Variants in CALCRL observed in about 807,000 individuals in gnomAD.
CALCRL encodes calcitonin gene-related peptide type 1 receptor.
In CALCRL, 27 loss-of-function variants were observed where a neutral mutation model predicts 60.4. That is an observed-to-expected ratio of 0.45 (90% confidence interval 0.33 to 0.62). The LOEUF is 0.62. Among genes scored for constraint, CALCRL ranks in the 20% least tolerant of loss-of-function variants. CALCRL has a pLI of 0.03. For synonymous variants in CALCRL, 190 were observed against 182.6 expected (o/e 1.04, Z -0.33); for missense variants, 424 against 540.7 (o/e 0.78, Z 2.14).
chr2:187,375,845 T>G (rs1365307387), intron 8 of CALCRL, among the ~76,000 whole-genome samples: 1 of 152,186 alleles, frequency 6.6e-6, no homozygotes, highest in African/African-American at 2.4e-5. Context: ...CAATTAAAAT[T>G]TAAAATTACT....
In CALCRL at chr2:187,370,392, G is replaced by A. The variant is rs190517015; in HGVS notation, c.501-6890C>T. Among the ~76,000 whole-genome samples, 209 of 152,148 alleles carry A rather than the reference G, an allele frequency of 1.4e-3. 1 individual carries two copies. The highest frequency in any genetic ancestry group is 4.6e-3 in the African/African-American group (191 of 41,544). On this transcript the variant is annotated intron_variant, in intron 8 of 14. Coordinates refer to ENST00000392370, the MANE Select transcript of CALCRL (RefSeq NM_005795.6). ...ATTTCTATTTTCTATTTCAAATAACGAAGTTTTAATCTATTCAAATAATGA... is the reference window on the plus strand; with the variant it reads ...ATTTCTATTTTCTATTTCAAATAACAAAGTTTTAATCTATTCAAATAATGA...
At chr2:187,389,267 T>G (rs1688334356) in intron 1 of CALCRL, among the ~76,000 whole-genome samples, 1 of 152,026 alleles carries the variant, frequency 6.6e-6, no homozygotes, top group South Asian at 2.1e-4. Flanking sequence ...GAGACAGGGT[T>G]TCACCATGTT....
At chr2:187,388,973 TTAATA>T in intron 1 of CALCRL, among the ~76,000 whole-genome samples, 1 of 152,030 alleles carries the variant, frequency 6.6e-6, no homozygotes, top group Non-Finnish European at 1.5e-5. Flanking sequence ...AAATGATTGA[TTAATA>T]GAGATTTAAG....
chr2:187,377,989 T>C (rs1264353757), intron 8 of CALCRL, among the ~76,000 whole-genome samples: 2 of 150,374 alleles, frequency 1.3e-5, no homozygotes, highest in Non-Finnish European at 3.0e-5. Context: ...AAGAAGGAAG[T>C]TGGAGGAAGA....
chr2:187,378,986 A>G lies in CALCRL; in HGVS notation c.454T>C (p.Ser152Pro). 6.2e-7 allele frequency: 1 copy of G among 1,608,638 alleles called. No homozygotes were observed. The highest frequency in any genetic ancestry group is 8.5e-7 in the Non-Finnish European group (1 of 1,176,452). Residue 152 changes from serine (S) to proline (P), a missense_variant, in exon 8 of 15, where the codon TCT becomes CCT. This residue lies in a region of CALCRL where 43 missense variants were observed against 46.6 expected (regional missense o/e 0.92). Coordinates refer to ENST00000392370, the MANE Select transcript of CALCRL (RefSeq NM_005795.6). ...FYLTIIGHGL[S>P]IASLLISLGI... ...AGCGAGATAAGCAGTGATGCAATAG[A>G]CAATCCGTGTCCAATTATGGTCAGG...
At chr2:187,444,756 C>T (rs2105916008) in intron 1 of CALCRL, among the ~76,000 whole-genome samples, 1 of 151,424 alleles carries the variant, frequency 6.6e-6, no homozygotes, top group Admixed American at 6.6e-5. Context: ...AAATTGAATA[C>T]ATTTCTTCTC....
chr2:187,360,897 T>A (rs1687027238), intron 9 of CALCRL, 146 bp from the exon 10 acceptor site: 1 of 634,412 alleles, frequency 1.6e-6, no homozygotes, highest in Non-Finnish European at 2.4e-6. Flanking sequence ...GGAATGCCAG[T>A]CTTCGTATTC....
chr2:187,447,840 T>C (rs1487101116), intron 1 of CALCRL, among the ~76,000 whole-genome samples, 199 bp downstream of exon 1: 1 of 152,098 alleles, frequency 6.6e-6, no homozygotes, highest in Non-Finnish European at 1.5e-5. Context: ...AATACCATGG[T>C]AAACAATATT....
In CALCRL at chr2:187,385,609, T is replaced by G. The variant is rs1411376833; in HGVS notation, c.-14A>C. On this transcript the variant is annotated 5_prime_UTR_variant, in exon 4 of 15. Transcript: ENST00000392370. Reference sequence around the variant, plus strand: ...CTTTTTCTCCATCATTAAGCCAAAATGAAATATGCTGTATAACATAAACTG... The same window carrying G: ...CTTTTTCTCCATCATTAAGCCAAAAGGAAATATGCTGTATAACATAAACTG... The G allele has an allele frequency of 3.2e-6, 5 of 1,549,064 alleles. No homozygotes were observed. In the African/African-American group the frequency reaches 5.5e-5, roughly 17 times the overall value.
At chr2:187,358,055 A>G (rs893425553) in intron 12 of CALCRL, among the ~76,000 whole-genome samples, 3 of 152,138 alleles carry the variant, frequency 2.0e-5, no homozygotes, top group Admixed American at 6.6e-5. Context: ...GCTAGTTTGT[A>G]TTAATTTACT....
intron 8 of CALCRL, among the ~76,000 whole-genome samples, chr2:187,378,204 A>C (rs2105774673): frequency 6.6e-6 from 1 of 152,260 alleles, no homozygotes; most frequent in South Asian, 2.1e-4. Context: ...AAGGAGCAGA[A>C]GATGACTACA....
intron 1 of CALCRL, among the ~76,000 whole-genome samples, chr2:187,396,437 G>A (rs569711855): frequency 5.3e-5 from 8 of 151,638 alleles, no homozygotes; most frequent in African/African-American, 1.9e-4. Context: ...CAGGCTTAAT[G>A]CTTATAGGAC....
chr2:187,442,105 T>TATATATATATATATATAC (rs1690942474), intron 1 of CALCRL: 1 of 64,764 alleles, frequency 1.5e-5, no homozygotes, highest in African/African-American at 6.6e-5. Flanking sequence ...TATATATATA[T>TATATATATATATATATAC]ACATACACAC....
chr2:187,372,276 C>T (rs748256573), intron 8 of CALCRL, among the ~76,000 whole-genome samples: 1 of 151,222 alleles, frequency 6.6e-6, no homozygotes, highest in African/African-American at 2.4e-5. Flanking sequence ...TGATTTTAAA[C>T]GGTAATTAAA....
chr2:187,366,372 T>TA (rs1687293851), intron 8 of CALCRL, among the ~76,000 whole-genome samples: 1 of 151,674 alleles, frequency 6.6e-6, no homozygotes, highest in Non-Finnish European at 1.5e-5. Context: ...TGCATGATAG[T>TA]AAAAATTAGA....
In CALCRL at chr2:187,378,027, A is replaced by AGAG. The variant is rs765551559; in HGVS notation, c.500+910_500+912dup. 2.0e-5 allele frequency among the ~76,000 whole-genome samples: 3 copies of AGAG among 151,452 alleles called. 1 individual carries two copies. The highest frequency in any genetic ancestry group is 6.6e-5 in the Admixed American group (1 of 15,162). ...GAGGGGTAGGAAGAGGAATAAGAGA[A>AGAG]GAGGAGGAGGAGGAGGAAAAAGAAG... On this transcript the variant is annotated intron_variant, in intron 8 of 14. Coordinates refer to ENST00000392370, the MANE Select transcript of CALCRL (RefSeq NM_005795.6).
chr2:187,412,512 C>G (rs1305460036), intron 1 of CALCRL, among the ~76,000 whole-genome samples: 1 of 152,138 alleles, frequency 6.6e-6, no homozygotes, highest in Non-Finnish European at 1.5e-5. Flanking sequence ...TTCTGTCTCC[C>G]TCTAATTCTA....
intron 3 of CALCRL, 97 bp from the exon 4 acceptor site, chr2:187,385,728 T>A: frequency 1.5e-6 from 1 of 667,362 alleles, no homozygotes; most frequent in Non-Finnish European, 2.5e-6. Context: ...TACACAATAA[T>A]TCAATAATTT....
At chr2:187,403,943 G>T (rs1689004882) in intron 1 of CALCRL, among the ~76,000 whole-genome samples, 2 of 152,020 alleles carry the variant, frequency 1.3e-5, no homozygotes, top group South Asian at 4.1e-4. Context: ...AGTGAGAACT[G>T]CCGCTTAAGA....
Sources: allele counts gnomAD v4.1 joint callset (sites outside exome capture counted in the v4.1 genomes callset), GRCh38; gene constraint gnomAD v4.1.1; regional missense constraint gnomAD v4.1.1; transcripts MANE v1.5; gene names NCBI Gene and HGNC (gene_info 2026-07-23, HGNC 2026-07-21).